GSK3B: variants seen among roughly 807,000 people sequenced by gnomAD.
GSK3B encodes glycogen synthase kinase 3 beta, also known as glycogen synthase kinase-3 beta.
A neutral mutation model predicts 56.4 loss-of-function variants in GSK3B; 15 were observed. That is an observed-to-expected ratio of 0.27 (90% CI 0.18 to 0.41). GSK3B has a LOEUF of 0.41. GSK3B is among the 10% of genes least tolerant of loss of function. GSK3B has a pLI of 1.00. For missense variants in GSK3B, 300 were observed against 513.4 expected (o/e 0.58, Z 4.02); for synonymous variants, 181 against 188.9 (o/e 0.96, Z 0.34).
chr3:120,054,581 T>C (rs1436135675), intron 1 of GSK3B, among the ~76,000 whole-genome samples: 1 of 152,200 alleles, frequency 6.6e-6, no homozygotes, highest in African/African-American at 2.4e-5. Context: ...TTCTTTTTTA[T>C]GTTTTGCTTA....
intron 2 of GSK3B, among the ~76,000 whole-genome samples, chr3:119,951,377 G>T (rs745782602): frequency 6.6e-5 from 10 of 152,320 alleles, no homozygotes; most frequent in Non-Finnish European, 1.5e-4. Flanking sequence ...TTCAAGACCA[G>T]CCTGACCAGC....
At chr3:119,884,892 TG>T (rs2056417670) in intron 7 of GSK3B, among the ~76,000 whole-genome samples, 1 of 151,968 alleles carries the variant, frequency 6.6e-6, no homozygotes, top group Non-Finnish European at 1.5e-5. Context: ...TTATACCGAA[TG>T]GGCAAAAACT....
chr3:119,925,108 C>T (rs867297055), intron 3 of GSK3B, among the ~76,000 whole-genome samples: 2 of 151,486 alleles, frequency 1.3e-5, no homozygotes, highest in East Asian at 3.9e-4. Context: ...GCAGGCAGAT[C>T]GCTTGAGTTC....
chr3:120,093,208 A>G, intron 1 of GSK3B, 139 bp downstream of exon 1: 1 of 604,338 alleles, frequency 1.7e-6, no homozygotes. Context: ...GAGCTGCTTC[A>G]TCCTTGACTG....
intron 1 of GSK3B, among the ~76,000 whole-genome samples, chr3:120,070,095 C>A (rs1474847539): frequency 6.6e-6 from 1 of 151,930 alleles, no homozygotes; most frequent in Non-Finnish European, 1.5e-5. Context: ...TGCCTGTAGT[C>A]CCACCTACTT....
At chr3:120,006,246 G>A (rs1395272632) in intron 1 of GSK3B, among the ~76,000 whole-genome samples, 1 of 152,140 alleles carries the variant, frequency 6.6e-6, no homozygotes, top group Non-Finnish European at 1.5e-5. Flanking sequence ...CAATACAAGA[G>A]CACCCAGATT....
Position 119,876,730 on chromosome 3 carries a change from G to A in GSK3B, c.814-222C>T, listed in dbSNP as rs114963744. Reference sequence around the variant, plus strand: ...GTGTTGAGAGGTGGGATGTTTAAATGGTAATTAGGTAATGGCTCTGCCCTT... The same window carrying A: ...GTGTTGAGAGGTGGGATGTTTAAATAGTAATTAGGTAATGGCTCTGCCCTT... On this transcript the variant is annotated intron_variant, in intron 7 of 10. Coordinates refer to ENST00000264235, the MANE Select transcript of GSK3B (RefSeq NM_001146156.2). Among the ~76,000 whole-genome samples the A allele has an allele frequency of 3.4e-3, 523 of 152,250 alleles. 4 individuals are homozygous for A. Among genetic ancestry groups the A allele is most frequent in the African/African-American group, 0.012 (512 of 41,540 alleles).
chr3:119,876,621 C>T (rs959999532), intron 7 of GSK3B, 113 bp from the exon 8 acceptor site: 36 of 659,198 alleles, frequency 5.5e-5, no homozygotes, highest in Admixed American at 1.0e-4. Flanking sequence ...AAATAAAATA[C>T]GTAACTCATT....
intron 2 of GSK3B, among the ~76,000 whole-genome samples, chr3:120,001,336 A>G (rs1344558525): frequency 6.6e-6 from 1 of 152,122 alleles, no homozygotes; most frequent in Non-Finnish European, 1.5e-5. Flanking sequence ...GATTGAGACT[A>G]GCTTGGACAA....
chr3:119,947,807 A>G (rs1296344103), intron 2 of GSK3B, among the ~76,000 whole-genome samples: 1 of 151,738 alleles, frequency 6.6e-6, no homozygotes, highest in African/African-American at 2.4e-5. Flanking sequence ...ACTGAGCATC[A>G]ACTCCATGAA....
intron 2 of GSK3B, among the ~76,000 whole-genome samples, chr3:119,966,974 T>C (rs2057323820): frequency 6.6e-6 from 1 of 152,144 alleles, no homozygotes; most frequent in Admixed American, 6.5e-5. Context: ...TAGAAAGATA[T>C]AAATAAAGAC....
intron 1 of GSK3B, among the ~76,000 whole-genome samples, chr3:120,076,888 G>A (rs978547730): frequency 1.3e-5 from 2 of 149,132 alleles, no homozygotes; most frequent in African/African-American, 2.5e-5. Context: ...CCTAAAAAAC[G>A]GCCAACAGGT....
intron 1 of GSK3B, among the ~76,000 whole-genome samples, chr3:120,046,970 A>G (rs569016020): frequency 6.6e-6 from 1 of 152,180 alleles, no homozygotes; most frequent in South Asian, 2.1e-4. Context: ...GTTTCCTCAA[A>G]TGTAAAATGA....
intron 4 of GSK3B, among the ~76,000 whole-genome samples, chr3:119,920,456 G>A (rs980289177): frequency 1.3e-5 from 2 of 151,678 alleles, no homozygotes; most frequent in African/African-American, 2.4e-5. Context: ...GGCCAGGCTG[G>A]TCTTGAACTC....
At chr3:120,092,575 C>T (rs2058522319) in intron 1 of GSK3B, among the ~76,000 whole-genome samples, 1 of 152,158 alleles carries the variant, frequency 6.6e-6, no homozygotes, top group African/African-American at 2.4e-5. Context: ...AAACTTGGAC[C>T]TATTAATACT....
intron 1 of GSK3B, chr3:120,028,908 G>A (rs1315724695): frequency 3.8e-6 from 2 of 528,702 alleles, no homozygotes; most frequent in Non-Finnish European, 7.1e-6. Flanking sequence ...AAGCACCCAG[G>A]AAGGCTGAAC....
chr3:120,035,576 ATTAT>A (rs1413251874), intron 1 of GSK3B, among the ~76,000 whole-genome samples: 1 of 152,250 alleles, frequency 6.6e-6, no homozygotes, highest in Non-Finnish European at 1.5e-5. Context: ...GGAGAGCACT[ATTAT>A]TTAAACAATA....
At chr3:119,891,643 A>ATATTTTGAGTAATTAATACT (rs2056503532) in intron 7 of GSK3B, among the ~76,000 whole-genome samples, 1 of 152,154 alleles carries the variant, frequency 6.6e-6, no homozygotes. Context: ...CTAAAGACAT[A>ATATTTTGAGTAATTAATACT]TATTTTGAGT....
At chr3:119,998,987 T>A (rs1164706582) in intron 2 of GSK3B, among the ~76,000 whole-genome samples, 2 of 152,196 alleles carry the variant, frequency 1.3e-5, no homozygotes, top group African/African-American at 4.8e-5. Flanking sequence ...CTCTCCTATA[T>A]CAAGGTTTAA....
Sources: allele counts gnomAD v4.1 joint callset (sites outside exome capture counted in the v4.1 genomes callset), GRCh38; gene constraint gnomAD v4.1.1; transcripts MANE v1.5; gene names NCBI Gene and HGNC (gene_info 2026-07-23, HGNC 2026-07-21).